The following GPD2 variants were observed in gnomAD, a reference collection of about 807,000 sequenced individuals.
GPD2 encodes the protein glycerol-3-phosphate dehydrogenase 2.
A neutral mutation model predicts 82.4 loss-of-function variants in GPD2; 54 were observed. That is an observed-to-expected ratio of 0.66 (90% CI 0.53 to 0.82). GPD2 has a LOEUF of 0.82. GPD2 is among the 40% of genes least tolerant of loss of function. The probability of loss-of-function intolerance (pLI) is 0.00; values close to 1 mark genes in which losing one functional copy is unlikely to be tolerated. For missense variants in GPD2, 748 were observed against 896.2 expected (o/e 0.83, Z 2.11); for synonymous variants, 288 against 306.1 (o/e 0.94, Z 0.62).
the GPD2 span, among the ~76,000 whole-genome samples, chr2:156,413,173 C>T: frequency 2.6e-5 from 4 of 152,048 alleles, no homozygotes; most frequent in Non-Finnish European, 5.9e-5. Flanking sequence ...GAAGAAACTG[C>T]ATAGAGCCAA....
chr2:156,562,004 T>C (rs1475938337), intron 9 of GPD2, among the ~76,000 whole-genome samples: 1 of 152,226 alleles, frequency 6.6e-6, no homozygotes, highest in Non-Finnish European at 1.5e-5. Flanking sequence ...GGGTAATTGA[T>C]AGTTCTGCGT....
intron 16 of GPD2, among the ~76,000 whole-genome samples, chr2:156,582,546 G>A (rs1688063735): frequency 6.7e-6 from 1 of 149,558 alleles, no homozygotes; most frequent in Admixed American, 6.7e-5. Context: ...ATTAAGATTT[G>A]CTTTTAGAGG....
intron 13 of GPD2, 130 bp downstream of exon 13, chr2:156,571,422 T>A: frequency 1.8e-6 from 1 of 546,090 alleles, no homozygotes; most frequent in Non-Finnish European, 3.2e-6. Flanking sequence ...TGTGTGTGTT[T>A]AATATTGTTA....
At chr2:156,512,186 C>A in intron 4 of GPD2, 34 bp from the exon 5 acceptor site, 2 of 1,014,888 alleles carry the variant, frequency 2.0e-6, no homozygotes, top group Non-Finnish European at 3.2e-6. Flanking sequence ...TGATCTGTTA[C>A]TGCCAAACTA....
At chr2:156,494,274 T>C (rs1477588513) in intron 2 of GPD2, among the ~76,000 whole-genome samples, 2 of 152,218 alleles carry the variant, frequency 1.3e-5, no homozygotes, top group Non-Finnish European at 2.9e-5. Flanking sequence ...CAGCAACAAC[T>C]CTGGTGGTTA....
chr2:156,532,254 A>G (rs1296211119), intron 6 of GPD2, among the ~76,000 whole-genome samples: 2 of 152,146 alleles, frequency 1.3e-5, no homozygotes, highest in Non-Finnish European at 2.9e-5. Flanking sequence ...TTGTCCTCTC[A>G]CCTTGGCCTC....
chr2:156,416,608 C>T, the GPD2 span, among the ~76,000 whole-genome samples: 57 of 151,390 alleles, frequency 3.8e-4, no homozygotes, highest in African/African-American at 1.4e-3. Context: ...AGCAATGCTC[C>T]CACCTTGGCC....
chr2:156,532,993 G>C (rs539063285), intron 6 of GPD2, among the ~76,000 whole-genome samples: 2 of 152,194 alleles, frequency 1.3e-5, no homozygotes, highest in Non-Finnish European at 2.9e-5. Flanking sequence ...AAGCCTAAAG[G>C]CCTGAGGGGT....
chr2:156,544,099 C>T (rs928218960), intron 6 of GPD2, among the ~76,000 whole-genome samples: 3 of 152,132 alleles, frequency 2.0e-5, no homozygotes, highest in African/African-American at 7.2e-5. Flanking sequence ...TTGGAATGCT[C>T]ATCAGGTGGC....
chr2:156,574,155 G>A (rs72907907), intron 13 of GPD2, among the ~76,000 whole-genome samples: 14,794 of 152,016 alleles, frequency 0.097, 902 homozygotes, highest in Non-Finnish European at 0.14. Flanking sequence ...ACTGATTAGG[G>A]AAGAAGGCAA....
At chr2:156,571,817 T>G (rs1345837675) in intron 13 of GPD2, among the ~76,000 whole-genome samples, 1 of 152,038 alleles carries the variant, frequency 6.6e-6, no homozygotes, top group Non-Finnish European at 1.5e-5. Context: ...TTAGGCTAAG[T>G]AGATCTTTAT....
intron 1 of GPD2, among the ~76,000 whole-genome samples, chr2:156,452,698 A>G (rs747616637): frequency 2.6e-5 from 4 of 152,228 alleles, no homozygotes; most frequent in African/African-American, 7.2e-5. Context: ...GTGAATTTCT[A>G]TGCTGACAAA....
intron 2 of GPD2, among the ~76,000 whole-genome samples, chr2:156,481,663 A>C (rs1406551704): frequency 6.8e-6 from 1 of 146,694 alleles, no homozygotes; most frequent in African/African-American, 2.5e-5. Flanking sequence ...TTTTTTTTTT[A>C]AATAGAGATG....
intron 13 of GPD2, among the ~76,000 whole-genome samples, chr2:156,576,491 G>T (rs563105637): frequency 1.5e-4 from 23 of 151,224 alleles, no homozygotes; most frequent in African/African-American, 5.6e-4. Flanking sequence ...CATTAGGTTT[G>T]TTCTACCCTA....
At chr2:156,401,748 G>C in the GPD2 span, among the ~76,000 whole-genome samples, 10 of 152,144 alleles carry the variant, frequency 6.6e-5, no homozygotes, top group Non-Finnish European at 1.5e-4. Flanking sequence ...TCTCTAAGCT[G>C]CCCCTTCCTT....
At chr2:156,571,411 T>C in intron 13 of GPD2, 119 bp downstream of exon 13, 1 of 580,520 alleles carries the variant, frequency 1.7e-6, no homozygotes. Context: ...CAGTTTTTCT[T>C]TGTGTGTGTT....
intron 8 of GPD2, among the ~76,000 whole-genome samples, chr2:156,551,450 A>G (rs1417133219): frequency 6.6e-6 from 1 of 152,156 alleles, no homozygotes; most frequent in African/African-American, 2.4e-5. Flanking sequence ...CATAACGTAC[A>G]TTTTAAGGTA....
At chr2:156,439,474 T>C (rs690663) in intron 1 of GPD2, among the ~76,000 whole-genome samples, 127,478 of 138,026 alleles carry the variant, frequency 0.92, 59,739 homozygotes, top group East Asian at 1. Context: ...CCCAGCTACT[T>C]AGGAGGCCAA....
chr2:156,558,420 A>T (rs1402478994), intron 9 of GPD2, among the ~76,000 whole-genome samples: 1 of 152,186 alleles, frequency 6.6e-6, no homozygotes, highest in East Asian at 1.9e-4. Flanking sequence ...CATTGGCCCC[A>T]CAATGGCCTC....
Sources: gnomAD v4.1 joint callset for allele counts (sites outside exome capture counted in the v4.1 genomes callset) on GRCh38, gnomAD v4.1.1 for gene constraint, MANE v1.5 for transcripts, NCBI Gene and HGNC (gene_info 2026-07-23, HGNC 2026-07-21) for gene names.